The following GRAP2 variants were observed in gnomAD, a reference collection of about 807,000 sequenced individuals.
The protein encoded by GRAP2 is GRB2-related adapter protein 2.
Under a neutral mutation model 43.5 loss-of-function variants are expected in GRAP2, and 31 were observed. The observed-to-expected ratio is 0.71, with a 90% CI of 0.54 to 0.96. GRAP2 has a LOEUF of 0.96. Among genes scored for constraint, GRAP2 ranks in the 40% least tolerant of loss-of-function variants. The pLI, the probability that GRAP2 is intolerant of heterozygous loss-of-function variation, is 0.00. For synonymous variants in GRAP2, 156 were observed against 164.8 expected (o/e 0.95, Z 0.41); for missense variants, 371 against 424.4 (o/e 0.87, Z 1.11).
chr22:39,939,561 C>CAAA lies in GRAP2; in HGVS notation c.-14-7513_-14-7511dup, dbSNP rs386395434. On this transcript the variant is annotated intron_variant, in intron 1 of 7. Transcript: ENST00000344138. ...TGGGGGACAGAGTGAGACTCCGTCT[C>CAAA]AAAAAAAAAAAAAAAAAAAAAGAAA... 5.2e-3 allele frequency among the ~76,000 whole-genome samples: 331 copies of CAAA among 63,668 alleles called. 12 individuals are homozygous for CAAA. The highest frequency in any genetic ancestry group is 0.017 in the East Asian group (38 of 2,252). The allele number at this position is 63,668 out of a possible 152,430, so 41.8% of individuals were successfully genotyped here.
intron 1 of GRAP2, among the ~76,000 whole-genome samples, chr22:39,910,478 G>A (rs899070759): frequency 4.0e-5 from 6 of 150,652 alleles, no homozygotes; most frequent in African/African-American, 7.3e-5. Flanking sequence ...GCGCAATCTC[G>A]GCTCACTGCA....
At chr22:39,933,066 C>G (rs1453639068) in intron 1 of GRAP2, among the ~76,000 whole-genome samples, 1 of 152,172 alleles carries the variant, frequency 6.6e-6, no homozygotes, top group African/African-American at 2.4e-5. Context: ...GAAAGTGAGA[C>G]CATGGGGTAT....
chr22:39,896,618 G>A (rs1051730389), upstream of GRAP2, among the ~76,000 whole-genome samples: 1 of 152,112 alleles, frequency 6.6e-6, no homozygotes, highest in African/African-American at 2.4e-5. Flanking sequence ...GGTGATTGAG[G>A]AGGCAGATGG....
intron 1 of GRAP2, among the ~76,000 whole-genome samples, chr22:39,938,018 G>T (rs529354903): frequency 1.3e-5 from 2 of 152,128 alleles, no homozygotes; most frequent in Admixed American, 1.3e-4. Flanking sequence ...CCAGACTGGC[G>T]TTGATTAAAG....
chr22:39,970,301 G>A (rs1489673080), intron 7 of GRAP2, among the ~76,000 whole-genome samples: 1 of 151,982 alleles, frequency 6.6e-6, no homozygotes, highest in African/African-American at 2.4e-5. Context: ...GGCTGGTCTG[G>A]AACTCCTGGG....
At chr22:39,906,737 G>A (rs922769451) in intron 1 of GRAP2, among the ~76,000 whole-genome samples, 5 of 152,074 alleles carry the variant, frequency 3.3e-5, no homozygotes, top group East Asian at 1.9e-4. Flanking sequence ...TTAATGTGTC[G>A]GCCTACAAAT....
At chr22:39,964,773 A>G in intron 4 of GRAP2, 3 of 440,104 alleles carry the variant, frequency 6.8e-6, no homozygotes, top group Non-Finnish European at 1.2e-5. Flanking sequence ...TGTTTTCACT[A>G]AGTCATTCCT....
intron 1 of GRAP2, among the ~76,000 whole-genome samples, chr22:39,942,894 C>A (rs758749648): frequency 3.9e-5 from 6 of 152,118 alleles, no homozygotes; most frequent in Admixed American, 2.6e-4. Context: ...TAAAAAATTT[C>A]AAGACATTAT....
chr22:39,952,482 A>G (rs1022526822), intron 2 of GRAP2, among the ~76,000 whole-genome samples: 1 of 152,160 alleles, frequency 6.6e-6, no homozygotes, highest in African/African-American at 2.4e-5. Flanking sequence ...GATGGAGTGC[A>G]GTGTGCTCTT....
intron 1 of GRAP2, among the ~76,000 whole-genome samples, chr22:39,941,804 G>A (rs1459208127): frequency 6.6e-6 from 1 of 151,902 alleles, no homozygotes; most frequent in Non-Finnish European, 1.5e-5. Context: ...CACAGAAAAG[G>A]TCTGACAATT....
At chr22:39,893,921 CTG>C in the GRAP2 span, 4 of 151,852 alleles carry the variant, frequency 2.6e-5, no homozygotes, top group African/African-American at 9.7e-5. Flanking sequence ...GGCTGCCGGG[CTG>C]TGACACTGCC....
intron 3 of GRAP2, among the ~76,000 whole-genome samples, chr22:39,958,494 C>T (rs2067082044): frequency 6.6e-6 from 1 of 152,092 alleles, no homozygotes; most frequent in Non-Finnish European, 1.5e-5. Context: ...ACTACTGTGT[C>T]CCCAGTGCCC....
intron 1 of GRAP2, among the ~76,000 whole-genome samples, chr22:39,916,491 G>A (rs1034333502): frequency 2.0e-5 from 3 of 152,198 alleles, no homozygotes; most frequent in Non-Finnish European, 4.4e-5. Flanking sequence ...TTACTTTTCT[G>A]TACATTTAAA....
At chr22:39,941,611 T>C (rs1265486388) in intron 1 of GRAP2, among the ~76,000 whole-genome samples, 1 of 152,226 alleles carries the variant, frequency 6.6e-6, no homozygotes, top group Non-Finnish European at 1.5e-5. Context: ...TAATACTTCC[T>C]GTCATGTAAA....
At chr22:39,938,898 C>G (rs990023636) in intron 1 of GRAP2, among the ~76,000 whole-genome samples, 1 of 152,148 alleles carries the variant, frequency 6.6e-6, no homozygotes, top group African/African-American at 2.4e-5. Flanking sequence ...GCAGCTCAGC[C>G]GCTGATGAAT....
intron 1 of GRAP2, among the ~76,000 whole-genome samples, chr22:39,942,157 A>C (rs889776728): frequency 6.6e-6 from 1 of 152,172 alleles, no homozygotes; most frequent in African/African-American, 2.4e-5. Context: ...ATTCATTATA[A>C]CTTTTCAAGA....
At chr22:39,946,157 G>A (rs534776135) in intron 1 of GRAP2, among the ~76,000 whole-genome samples, 10 of 152,292 alleles carry the variant, frequency 6.6e-5, no homozygotes, top group South Asian at 2.1e-4. Flanking sequence ...CACAGCGCCC[G>A]GCCTGCATCT....
chr22:39,924,320 A>T (rs1222083391), intron 1 of GRAP2, among the ~76,000 whole-genome samples: 2 of 152,164 alleles, frequency 1.3e-5, no homozygotes, highest in Non-Finnish European at 2.9e-5. Flanking sequence ...TTCCTAGAAG[A>T]GGGAAAAAGA....
chr22:39,910,688 T>A (rs1406221843), intron 1 of GRAP2, among the ~76,000 whole-genome samples: 1 of 151,260 alleles, frequency 6.6e-6, no homozygotes, highest in Non-Finnish European at 1.5e-5. Flanking sequence ...ATTACAGGCA[T>A]GAGCCACCAT....
Sources: allele counts gnomAD v4.1 joint callset (sites outside exome capture counted in the v4.1 genomes callset), GRCh38; gene constraint gnomAD v4.1.1; transcripts MANE v1.5; gene names NCBI Gene and HGNC (gene_info 2026-07-23, HGNC 2026-07-21).